METTL15: variants seen among roughly 807,000 people sequenced by gnomAD.
METTL15 encodes the protein methyltransferase 15, mitochondrial 12S rRNA N4-cytidine.
Under a neutral mutation model 38.3 loss-of-function variants are expected in METTL15, and 34 were observed. That is an observed-to-expected ratio of 0.89 (90% CI 0.68 to 1.18). The LOEUF is 1.18. METTL15 is among the 50% of genes most tolerant of loss of function. The probability of loss-of-function intolerance (pLI) is 0.00; values close to 1 mark genes in which losing one functional copy is unlikely to be tolerated. For missense variants in METTL15, 438 were observed against 498.4 expected (o/e 0.88, Z 1.15); for synonymous variants, 162 against 170.9 (o/e 0.95, Z 0.41).
At chr11:28,215,551 C>A (rs986161874) in intron 4 of METTL15, among the ~76,000 whole-genome samples, 1 of 151,552 alleles carries the variant, frequency 6.6e-6, no homozygotes, top group Non-Finnish European at 1.5e-5. Flanking sequence ...CCCAACAGTA[C>A]CTAGAAAGGG....
At chr11:28,214,391 G>A (rs1780605512) in intron 4 of METTL15, among the ~76,000 whole-genome samples, 1 of 151,674 alleles carries the variant, frequency 6.6e-6, no homozygotes. Context: ...GTTTGCTGAA[G>A]TATAGAAATA....
chr11:28,322,195 G>T (rs1849493665), intron 6 of METTL15, among the ~76,000 whole-genome samples: 1 of 151,930 alleles, frequency 6.6e-6, no homozygotes, highest in Admixed American at 6.6e-5. Flanking sequence ...TTTAATTTTT[G>T]AATGGCAGAA....
chr11:28,402,485 T>C (rs897422735), intron 5 of METTL15, among the ~76,000 whole-genome samples: 2 of 151,946 alleles, frequency 1.3e-5, no homozygotes, highest in Admixed American at 6.6e-5. Flanking sequence ...TATACCCTAC[T>C]TACTACTTTT....
chr11:28,119,088 G>A (rs552386266), intron 3 of METTL15, among the ~76,000 whole-genome samples: 1 of 152,176 alleles, frequency 6.6e-6, no homozygotes, highest in South Asian at 2.1e-4. Flanking sequence ...CTGGAGTCAG[G>A]TTTTACCTTT....
chr11:28,285,447 G>A (rs1856218946), intron 4 of METTL15, among the ~76,000 whole-genome samples: 1 of 151,658 alleles, frequency 6.6e-6, no homozygotes, highest in African/African-American at 2.4e-5. Context: ...TCTTCCAGTG[G>A]CCCAGGGAAG....
Position 28,314,443 on chromosome 11 carries a change from A to C in METTL15, c.779-15953A>C, listed in dbSNP as rs1314613712. Among the ~76,000 whole-genome samples, 4 of 152,174 alleles carry C rather than the reference A, an allele frequency of 2.6e-5. No homozygotes were observed. The East Asian group carries it at 7.7e-4, about 29-fold the overall frequency. On this transcript the variant is annotated intron_variant, in intron 6 of 6. Transcript: ENST00000407364. ...AACTCTGGGAAGTGCATATGGCCCA[A>C]TTCTGGGATCAATAATGCATGCCCT...
Position 28,302,541 on chromosome 11 carries a change from A to C in METTL15, c.778+5610A>C, listed in dbSNP as rs1044397257. 5.9e-5 allele frequency among the ~76,000 whole-genome samples: 9 copies of C among 152,054 alleles called. No homozygotes were observed. In the East Asian group the frequency reaches 1.6e-3, roughly 26 times the overall value. On this transcript the variant is annotated intron_variant, in intron 6 of 6. Transcript: ENST00000407364. ...CTCATGAGACCTGAGACCCTAACAC[A>C]AGCTCTCTTTGCTTGCTGCCATCCA...
intron 3 of METTL15, among the ~76,000 whole-genome samples, chr11:28,344,519 A>G (rs1412552484): frequency 6.6e-6 from 1 of 152,124 alleles, no homozygotes; most frequent in African/African-American, 2.4e-5. Flanking sequence ...TACTAGAGAA[A>G]CTTCTCTCAA....
chr11:28,505,622 T>C (rs1851621960), intron 6 of METTL15, among the ~76,000 whole-genome samples: 1 of 152,234 alleles, frequency 6.6e-6, no homozygotes, highest in African/African-American at 2.4e-5. Flanking sequence ...TGTGCATATG[T>C]ATTATATCAT....
intron 3 of METTL15, among the ~76,000 whole-genome samples, chr11:28,192,628 A>T (rs536172218): frequency 6.6e-6 from 1 of 152,074 alleles, no homozygotes; most frequent in Non-Finnish European, 1.5e-5. Context: ...CTTAGAATTT[A>T]TAGAATTCAC....
At chr11:28,380,273 TTC>T (rs1850368150) in intron 5 of METTL15, among the ~76,000 whole-genome samples, 1 of 149,772 alleles carries the variant, frequency 6.7e-6, no homozygotes, top group South Asian at 2.2e-4. Flanking sequence ...GTTCACACCA[TTC>T]TCCTGCCTCA....
chr11:28,168,720 T>G (rs558423515), intron 3 of METTL15, among the ~76,000 whole-genome samples: 5 of 151,812 alleles, frequency 3.3e-5, no homozygotes, highest in African/African-American at 1.2e-4. Context: ...TATTCTCATG[T>G]ACCTGAATTA....
intron 6 of METTL15, among the ~76,000 whole-genome samples, chr11:28,483,004 C>T (rs1042356128): frequency 4.6e-5 from 7 of 151,920 alleles, no homozygotes; most frequent in African/African-American, 1.7e-4. Context: ...TTCCCTTTTT[C>T]CTGCCCCCAC....
At chr11:28,400,394 G>A (rs1045289154) in intron 5 of METTL15, among the ~76,000 whole-genome samples, 6 of 151,878 alleles carry the variant, frequency 4.0e-5, no homozygotes, top group Non-Finnish European at 5.9e-5. Context: ...ACCTTGGACT[G>A]ACCTCCCACT....
chr11:28,290,399 T>C lies in METTL15; in HGVS notation c.599+2T>C. On this transcript the variant is annotated splice_donor_variant, in intron 5 of 6. Transcript: ENST00000407364. LOFTEE classifies it high-confidence loss of function. ...GGACATGAGAATGGATGGTGGCAGG[T>C]GAGTATTCATAAAGCATTTCATCTC... 3.1e-6 allele frequency: 5 copies of C among 1,603,282 alleles called. No homozygotes were observed. Among genetic ancestry groups the C allele is most frequent in the Non-Finnish European group, 4.3e-6 (5 of 1,174,074 alleles).
intron 6 of METTL15, among the ~76,000 whole-genome samples, chr11:28,464,849 A>G (rs1044076916): frequency 2.0e-5 from 3 of 152,218 alleles, no homozygotes; most frequent in African/African-American, 7.2e-5. Flanking sequence ...TGCCTTATAC[A>G]AAAAGATAAG....
chr11:28,418,837 A>C (rs1564925871), intron 5 of METTL15, among the ~76,000 whole-genome samples: 1 of 152,094 alleles, frequency 6.6e-6, no homozygotes, highest in Non-Finnish European at 1.5e-5. Context: ...ATCACGCAGA[A>C]CTCAACCAAG....
chr11:28,404,095 G>GA (rs1240921106), intron 5 of METTL15, among the ~76,000 whole-genome samples: 1 of 151,530 alleles, frequency 6.6e-6, no homozygotes, highest in Non-Finnish European at 1.5e-5. Flanking sequence ...AGGTCTACAG[G>GA]AAAAAACTAA....
intron 3 of METTL15, among the ~76,000 whole-genome samples, chr11:28,341,020 G>A (rs1849947427): frequency 6.6e-6 from 1 of 152,186 alleles, no homozygotes; most frequent in African/African-American, 2.4e-5. Context: ...GTCCTTTGCA[G>A]GAACGTGGAT....
Sources: gnomAD v4.1 joint callset for allele counts (sites outside exome capture counted in the v4.1 genomes callset) on GRCh38, gnomAD v4.1.1 for gene constraint, MANE v1.5 for transcripts, NCBI Gene and HGNC (gene_info 2026-07-23, HGNC 2026-07-21) for gene names.